KLHL5: variants seen among roughly 807,000 people sequenced by gnomAD.
KLHL5 encodes the protein kelch like family member 5.
KLHL5 carries 48 observed loss-of-function variants against 77.7 expected under a neutral mutation model. The observed-to-expected ratio is 0.62, with a 90% CI of 0.49 to 0.79. The LOEUF is 0.79. KLHL5 is among the 30% of genes least tolerant of loss of function. The probability of loss-of-function intolerance (pLI) is 0.00; values close to 1 mark genes in which losing one functional copy is unlikely to be tolerated. For synonymous variants in KLHL5, 260 were observed against 297.0 expected, an observed-to-expected ratio of 0.88 and a Z score of 1.28; for missense variants, 723 against 859.7, an observed-to-expected ratio of 0.84 and a Z score of 1.99.
chr4:39,083,372 A>T (rs1036044), intron 4 of KLHL5, among the ~76,000 whole-genome samples: 1 of 151,932 alleles, frequency 6.6e-6, no homozygotes, highest in Non-Finnish European at 1.5e-5. Flanking sequence ...CTCTATCCAA[A>T]ACAATAGAAA....
At chr4:39,142,850 C>CA in the KLHL5 span, among the ~76,000 whole-genome samples, 1 of 150,612 alleles carries the variant, frequency 6.6e-6, no homozygotes, top group African/African-American at 2.4e-5. Flanking sequence ...ATGTAACATC[C>CA]AAAAAAATAA....
intron 1 of KLHL5, among the ~76,000 whole-genome samples, chr4:39,048,657 T>TTTTG (rs1716393047): frequency 6.7e-6 from 1 of 148,346 alleles, no homozygotes; most frequent in Non-Finnish European, 1.5e-5. Flanking sequence ...TTTTTTTTTT[T>TTTTG]TTGGAGATGA....
rs775142625 is a variant in KLHL5 at position 39,115,303 on chromosome 4, T to C, written c.2046T>C (p.Tyr682=). 6.2e-7 allele frequency: 1 copy of C among 1,614,098 alleles called. No homozygotes were observed. The highest frequency in any genetic ancestry group is 1.1e-5 in the South Asian group (1 of 91,078). ...GQAYLNTVEA[Y]DPQTNEWTQV... is the part of the protein sequence containing the mutation. The stretch of plus-strand genomic sequence containing the variant: ...CATACCTTAATACTGTGGAGGCTTA[T>C]GATCCCCAGACAAATGAGTGGACCC... Residue 682 remains tyrosine, a synonymous_variant, in exon 10 of 11, where the codon TAT becomes TAC. Transcript: ENST00000504108.
At chr4:39,085,948 G>A (rs897009714) in intron 4 of KLHL5, among the ~76,000 whole-genome samples, 2 of 152,102 alleles carry the variant, frequency 1.3e-5, no homozygotes, top group African/African-American at 2.4e-5. Flanking sequence ...CTTGAAGACC[G>A]ATTTGACTGT....
chr4:39,067,958 C>T (rs1296395376), intron 1 of KLHL5, among the ~76,000 whole-genome samples: 3 of 152,124 alleles, frequency 2.0e-5, no homozygotes, highest in Admixed American at 2.0e-4. Context: ...GCTAGGATTA[C>T]AAGCATGAGC....
chr4:39,108,744 T>G (rs1375922201), intron 8 of KLHL5, among the ~76,000 whole-genome samples: 1 of 152,144 alleles, frequency 6.6e-6, no homozygotes, highest in African/African-American at 2.4e-5. Context: ...AAGAATCTAG[T>G]AAATGAGAAA....
chr4:39,139,712 T>TA, the KLHL5 span, among the ~76,000 whole-genome samples: 1 of 152,154 alleles, frequency 6.6e-6, no homozygotes, highest in African/African-American at 2.4e-5. Flanking sequence ...TCTATTTCTT[T>TA]AAAAAATCTT....
chr4:39,119,840 GCTA>G (rs1018803742), intron 10 of KLHL5, among the ~76,000 whole-genome samples: 8 of 152,192 alleles, frequency 5.3e-5, no homozygotes, highest in African/African-American at 1.9e-4. Flanking sequence ...TTTGAGAAGA[GCTA>G]CTAATTATAA....
intron 6 of KLHL5, among the ~76,000 whole-genome samples, chr4:39,101,859 A>AAAAT (rs1553892985): frequency 8.6e-5 from 9 of 104,770 alleles, no homozygotes; most frequent in African/African-American, 2.7e-4. Context: ...AAAAAAAAAA[A>AAAAT]ATATATATAT....
At chr4:39,062,230 A>T (rs1717480101), upstream of KLHL5, 2 of 1,224,814 alleles carry the variant, frequency 1.6e-6, no homozygotes, top group African/African-American at 3.1e-5. Flanking sequence ...AGAGACTGAG[A>T]TACTGCAACG....
At chr4:39,142,786 G>GAA in the KLHL5 span, among the ~76,000 whole-genome samples, 4 of 120,516 alleles carry the variant, frequency 3.3e-5, no homozygotes, top group African/African-American at 1.2e-4. Context: ...TATGCTGAGT[G>GAA]AAAAAAAAAA....
intron 6 of KLHL5, among the ~76,000 whole-genome samples, chr4:39,099,660 A>C (rs958858361): frequency 5.3e-5 from 8 of 152,130 alleles, no homozygotes; most frequent in African/African-American, 1.9e-4. Flanking sequence ...TATTCACTCA[A>C]ATCTCTCAAA....
intron 8 of KLHL5, among the ~76,000 whole-genome samples, chr4:39,109,727 C>T (rs1722317851): frequency 6.7e-6 from 1 of 150,354 alleles, no homozygotes; most frequent in Non-Finnish European, 1.5e-5. Context: ...TCTCAGCTCA[C>T]TGCACCCTCC....
chr4:39,113,289 C>T (rs1275461178), intron 9 of KLHL5, 57 bp downstream of exon 9: 8 of 1,375,762 alleles, frequency 5.8e-6, no homozygotes, highest in African/African-American at 2.9e-5. Flanking sequence ...GTCTCTGATA[C>T]TTACATATAT....
intron 1 of KLHL5, among the ~76,000 whole-genome samples, chr4:39,074,191 AAT>A (rs1359853138): frequency 7.2e-5 from 11 of 152,196 alleles, no homozygotes; most frequent in Non-Finnish European, 1.3e-4. Flanking sequence ...CTTTCTAGAT[AAT>A]ATACATTTGA....
In KLHL5 at chr4:39,122,830, A is replaced by T. The variant is rs1189074917; in HGVS notation, c.*1764A>T. Among the ~76,000 whole-genome samples the T allele has an allele frequency of 6.6e-6, 1 of 151,858 alleles. No individual in the cohort carries two copies. Among genetic ancestry groups the T allele is most frequent in the Non-Finnish European group, 1.5e-5 (1 of 67,950 alleles). ...TCCATCAAAAAAAAATAAATAAAAA[A>T]AAAATAAAAGATTTCATTTTATGTG... is the stretch of plus-strand genomic sequence containing the variant. On this transcript the variant is annotated 3_prime_UTR_variant, in exon 11 of 11. Coordinates refer to ENST00000504108, the MANE Select transcript of KLHL5 (RefSeq NM_015990.5).
At chr4:39,102,277 A>G (rs975567151) in intron 6 of KLHL5, among the ~76,000 whole-genome samples, 2 of 151,488 alleles carry the variant, frequency 1.3e-5, no homozygotes, top group African/African-American at 2.4e-5. Flanking sequence ...ACTCTTCACA[A>G]TTGGGGGTTA....
chr4:39,112,460 T>G (rs1279970549), intron 8 of KLHL5, among the ~76,000 whole-genome samples: 1 of 152,202 alleles, frequency 6.6e-6, no homozygotes, highest in Non-Finnish European at 1.5e-5. Flanking sequence ...TGTGTCCCAA[T>G]TCTGCTGCTT....
chr4:39,092,131 A>G (rs898085414), intron 5 of KLHL5, among the ~76,000 whole-genome samples: 2 of 152,178 alleles, frequency 1.3e-5, no homozygotes, highest in Non-Finnish European at 2.9e-5. Flanking sequence ...TTATTCCTGT[A>G]TTATGAATGC....
Sources: allele counts gnomAD v4.1 joint callset (sites outside exome capture counted in the v4.1 genomes callset), GRCh38; gene constraint gnomAD v4.1.1; transcripts MANE v1.5; gene names NCBI Gene and HGNC (gene_info 2026-07-23, HGNC 2026-07-21).